Variants in NBEA observed in about 807,000 individuals in gnomAD.
NBEA encodes the protein neurobeachin.
In NBEA, 44 loss-of-function variants were observed where a neutral mutation model predicts 343.4. The observed-to-expected ratio is 0.13, with a 90% CI of 0.10 to 0.16. The LOEUF (loss-of-function observed/expected upper bound fraction) is 0.16, where lower values mean the gene tolerates loss of function less well. NBEA is among the 10% of genes least tolerant of loss of function. NBEA has a pLI of 1.00. For missense variants in NBEA, 2,555 were observed against 3,631.3 expected, an observed-to-expected ratio of 0.70 and a Z score of 7.62; for synonymous variants, 1,175 against 1,238.7, an observed-to-expected ratio of 0.95 and a Z score of 1.08.
intron 41 of NBEA, among the ~76,000 whole-genome samples, chr13:35,473,030 TG>T (rs1365344679): frequency 6.6e-6 from 1 of 152,210 alleles, no homozygotes; most frequent in Non-Finnish European, 1.5e-5. Flanking sequence ...GTTTTATATG[TG>T]GATTTAAGAG....
chr13:35,596,297 G>A (rs1348272195), intron 47 of NBEA, among the ~76,000 whole-genome samples: 1 of 152,094 alleles, frequency 6.6e-6, no homozygotes, highest in Non-Finnish European at 1.5e-5. Context: ...ATGTTGCTAC[G>A]AGTAGTAATT....
At chr13:35,460,905 T>C (rs1205797897) in intron 40 of NBEA, among the ~76,000 whole-genome samples, 1 of 152,234 alleles carries the variant, frequency 6.6e-6, no homozygotes, top group Non-Finnish European at 1.5e-5. Flanking sequence ...GCCTTCTTGC[T>C]GGTAGGGACT....
At chr13:35,061,470 C>T (rs2063464644) in intron 8 of NBEA, among the ~76,000 whole-genome samples, 1 of 151,204 alleles carries the variant, frequency 6.6e-6, no homozygotes, top group East Asian at 1.9e-4. Flanking sequence ...ATCAGGTGGC[C>T]CTTTGACATA....
intron 38 of NBEA, among the ~76,000 whole-genome samples, chr13:35,392,113 T>G (rs2042530995): frequency 1.3e-5 from 2 of 152,134 alleles, no homozygotes; most frequent in Admixed American, 6.6e-5. Flanking sequence ...AATAAACTTT[T>G]CTACAAATAT....
chr13:35,472,407 G>A lies in NBEA; in HGVS notation c.6456G>A (p.Val2152=). The change falls in exon 41 of 59, where the codon GTG becomes GTA. Residue 2152 remains valine, a synonymous_variant. Transcript: ENST00000379939. The part of the protein sequence containing the change: ...EKEIDNLAGP[V]VLSTPAQLIA... ...CTTGTCCTTGCCTTGCAGGCCCAGT[G>A]GTTCTCAGCACCCCTGCCCAGCTCA... 1 of 1,613,514 alleles carries A rather than the reference G, an allele frequency of 6.2e-7. No individual in the cohort carries two copies. Among genetic ancestry groups the A allele is most frequent in the Non-Finnish European group, 8.5e-7 (1 of 1,179,786 alleles).
chr13:35,307,381 C>T (rs1443927822), intron 35 of NBEA, among the ~76,000 whole-genome samples: 3 of 152,064 alleles, frequency 2.0e-5, no homozygotes, highest in African/African-American at 4.8e-5. Context: ...AAACTTTAAA[C>T]TGTAATGTCC....
chr13:35,273,735 C>T (rs1308017520), intron 34 of NBEA, among the ~76,000 whole-genome samples: 1 of 152,108 alleles, frequency 6.6e-6, no homozygotes, highest in Non-Finnish European at 1.5e-5. Context: ...ACTATAAACA[C>T]CTCTACTCAA....
At chr13:35,064,794 A>G (rs1244600548) in intron 8 of NBEA, among the ~76,000 whole-genome samples, 1 of 151,884 alleles carries the variant, frequency 6.6e-6, no homozygotes, top group Non-Finnish European at 1.5e-5. Context: ...ATGTGAAGAC[A>G]CAGGAAAGAA....
At chr13:35,137,317 G>A (rs2067794435) in intron 17 of NBEA, among the ~76,000 whole-genome samples, 1 of 152,014 alleles carries the variant, frequency 6.6e-6, no homozygotes, top group African/African-American at 2.4e-5. Context: ...GGGTGTGGTG[G>A]CGGGTGCCTG....
chr13:35,371,972 G>A (rs1049034234), intron 38 of NBEA, among the ~76,000 whole-genome samples: 3 of 152,172 alleles, frequency 2.0e-5, no homozygotes, highest in Admixed American at 1.3e-4. Context: ...ATGCCAGGTG[G>A]GCCAGTCCTT....
At chr13:35,588,330 G>A (rs1449642385) in intron 46 of NBEA, among the ~76,000 whole-genome samples, 1 of 152,078 alleles carries the variant, frequency 6.6e-6, no homozygotes, top group African/African-American at 2.4e-5. Context: ...GAATTGTAAT[G>A]TCCTCACTCC....
intron 36 of NBEA, among the ~76,000 whole-genome samples, chr13:35,335,497 T>C (rs2039196394): frequency 6.8e-6 from 1 of 146,576 alleles, no homozygotes; most frequent in African/African-American, 2.4e-5. Flanking sequence ...ATTCCATTTT[T>C]TGATGTTCTC....
intron 45 of NBEA, among the ~76,000 whole-genome samples, chr13:35,571,034 T>C (rs1327582777): frequency 1.3e-5 from 2 of 152,136 alleles, no homozygotes; most frequent in African/African-American, 4.8e-5. Context: ...CCAAGAACAT[T>C]CTAAAAGATC....
chr13:35,653,903 G>A (rs1323076312), intron 53 of NBEA, among the ~76,000 whole-genome samples: 2 of 152,182 alleles, frequency 1.3e-5, no homozygotes, highest in Non-Finnish European at 2.9e-5. Context: ...TAGTTTTCAA[G>A]TGGCCTGGGA....
intron 36 of NBEA, among the ~76,000 whole-genome samples, chr13:35,330,419 G>A (rs1566627121): frequency 1.3e-5 from 2 of 151,914 alleles, no homozygotes; most frequent in Non-Finnish European, 2.9e-5. Flanking sequence ...CACATCCCAC[G>A]CAGGAGCACA....
chr13:35,411,845 C>T (rs963452955), intron 38 of NBEA, among the ~76,000 whole-genome samples: 2 of 151,980 alleles, frequency 1.3e-5, no homozygotes, highest in African/African-American at 4.8e-5. Flanking sequence ...AGAAGGGGGA[C>T]AATACAAGTT....
rs542256878 is a variant in NBEA at position 35,646,352 on chromosome 13, A to G, written c.7770+4A>G. The G allele has an allele frequency of 2.5e-6, 4 of 1,607,312 alleles. No individual in the cohort carries two copies. The South Asian group carries it at 3.3e-5, about 13-fold the overall frequency. ...TCGGAGCTCTGCCATGCACCTGGTA[A>G]GACATATCAGCATGTTGAGATTTTT... On this transcript the variant is annotated splice_donor_region_variant and intron_variant, in intron 51 of 58. Coordinates refer to ENST00000379939, the MANE Select transcript of NBEA (RefSeq NM_001385012.1).
intron 35 of NBEA, among the ~76,000 whole-genome samples, chr13:35,306,433 T>A (rs2036895544): frequency 1.3e-5 from 2 of 152,120 alleles, no homozygotes; most frequent in South Asian, 4.1e-4. Context: ...GTCTTTTTGG[T>A]TGTACCTCAT....
intron 48 of NBEA, among the ~76,000 whole-genome samples, chr13:35,614,512 C>CATAT: frequency 6.6e-6 from 1 of 152,046 alleles, no homozygotes. Flanking sequence ...TGTATCAAGC[C>CATAT]CTTATTATAA....
Sources: allele counts gnomAD v4.1 joint callset (sites outside exome capture counted in the v4.1 genomes callset), GRCh38; gene constraint gnomAD v4.1.1; transcripts MANE v1.5; gene names NCBI Gene and HGNC (gene_info 2026-07-23, HGNC 2026-07-21).